DPP10: variants seen among roughly 807,000 people sequenced by gnomAD.
DPP10 encodes inactive dipeptidyl peptidase 10.
A neutral mutation model predicts 120.9 loss-of-function variants in DPP10; 33 were observed. The observed-to-expected ratio is 0.27, with a 90% confidence interval of 0.21 to 0.37. DPP10 has a LOEUF of 0.37. Among genes scored for constraint, DPP10 ranks in the 10% least tolerant of loss-of-function variants. DPP10 has a pLI of 1.00. For missense variants in DPP10, 816 were observed against 942.8 expected, an observed-to-expected ratio of 0.87 and a Z score of 1.76; for synonymous variants, 337 against 326.1, an observed-to-expected ratio of 1.03 and a Z score of -0.36.
chr2:115,481,205 A>G (rs553433974), intron 3 of DPP10, among the ~76,000 whole-genome samples: 1 of 152,124 alleles, frequency 6.6e-6, no homozygotes, highest in East Asian at 1.9e-4. Context: ...GCAATTACTC[A>G]TATGCCCCTT....
intron 1 of DPP10, among the ~76,000 whole-genome samples, chr2:114,491,890 T>C (rs996618715): frequency 1.3e-5 from 2 of 152,200 alleles, no homozygotes; most frequent in African/African-American, 2.4e-5. Context: ...TCTTTCCCTT[T>C]AGTGCTTTTT....
chr2:114,477,205 G>A (rs1452424469), intron 1 of DPP10, among the ~76,000 whole-genome samples: 2 of 151,680 alleles, frequency 1.3e-5, no homozygotes, highest in East Asian at 3.9e-4. Context: ...ATGATCCAAG[G>A]CCAAGGACTC....
chr2:115,507,982 TAGA>T (rs1417903788), intron 4 of DPP10, among the ~76,000 whole-genome samples: 5 of 152,076 alleles, frequency 3.3e-5, no homozygotes, highest in Non-Finnish European at 5.9e-5. Context: ...TTGTTGGAAA[TAGA>T]GGAATCAGCA....
chr2:115,101,396 G>A (rs1440739821), intron 1 of DPP10, among the ~76,000 whole-genome samples: 3 of 152,104 alleles, frequency 2.0e-5, no homozygotes, highest in African/African-American at 7.2e-5. Context: ...CAGTGAGGTG[G>A]CATGATCTTG....
At chr2:114,812,051 T>A (rs1015875451) in intron 1 of DPP10, among the ~76,000 whole-genome samples, 26 of 152,192 alleles carry the variant, frequency 1.7e-4, no homozygotes, top group African/African-American at 6.3e-4. Context: ...AAGTCAGATC[T>A]GTTTAAAATA....
In DPP10 at chr2:115,541,266, T is replaced by C. The variant is rs192931025; in HGVS notation, c.441+15294T>C. Among the ~76,000 whole-genome samples, 71 of 152,042 alleles carry C rather than the reference T, an allele frequency of 4.7e-4. 2 individuals are homozygous for C. Among genetic ancestry groups the C allele is most frequent in the Admixed American group, 4.5e-3 (69 of 15,212 alleles). Reference sequence around the variant, plus strand: ...CCAAAAAATATCCTGTTTCCTGTTATTGGAGAGTTAGGTTAATTTAAAATT... The same window carrying C: ...CCAAAAAATATCCTGTTTCCTGTTACTGGAGAGTTAGGTTAATTTAAAATT... On this transcript the variant is annotated intron_variant, in intron 5 of 25. Transcript: ENST00000410059.
At chr2:114,524,502 T>C (rs1685331681) in intron 1 of DPP10, among the ~76,000 whole-genome samples, 1 of 152,200 alleles carries the variant, frequency 6.6e-6, no homozygotes, top group African/African-American at 2.4e-5. Context: ...ATATTAGTCC[T>C]GCCCTTTGAA....
chr2:114,497,416 T>TATAG (rs1558814794), intron 1 of DPP10, among the ~76,000 whole-genome samples: 7 of 88,174 alleles, frequency 7.9e-5, no homozygotes, highest in African/African-American at 2.0e-4. Context: ...TACACATACA[T>TATAG]ATGCATCTAT....
Position 115,791,188 on chromosome 2 carries a change from T to C in DPP10, c.1630+9T>C. 6.2e-7 allele frequency: 1 copy of C among 1,611,738 alleles called. No homozygotes were observed. Among genetic ancestry groups the C allele is most frequent in the East Asian group, 2.2e-5 (1 of 44,740 alleles). On this transcript the variant is annotated intron_variant, in intron 18 of 25. Transcript: ENST00000410059. ...TCATATTGACGACTATGGTAAAATT[T>C]TGTGCATGCTATGTTATTCAAGAAC...
chr2:114,642,153 A>T (rs1344526689), intron 1 of DPP10, among the ~76,000 whole-genome samples: 5 of 151,960 alleles, frequency 3.3e-5, no homozygotes, highest in African/African-American at 4.9e-5. Flanking sequence ...AATCATATTT[A>T]TATACTGGCA....
At chr2:115,058,560 C>T (rs1437804976) in intron 1 of DPP10, among the ~76,000 whole-genome samples, 1 of 152,110 alleles carries the variant, frequency 6.6e-6, no homozygotes, top group African/African-American at 2.4e-5. Flanking sequence ...CCACCACGCC[C>T]GGCTAATTTT....
intron 3 of DPP10, among the ~76,000 whole-genome samples, chr2:115,383,050 G>C (rs1017949436): frequency 2.0e-5 from 3 of 152,294 alleles, no homozygotes; most frequent in African/African-American, 7.2e-5. Flanking sequence ...TTCCAGAAAA[G>C]AATCTAGAAG....
chr2:114,724,268 A>G lies in DPP10; in HGVS notation c.60+281430A>G, dbSNP rs114836562. Among the ~76,000 whole-genome samples, 538 of 152,354 alleles carry G rather than the reference A, an allele frequency of 3.5e-3. 4 individuals carry two copies. The highest frequency in any genetic ancestry group is 0.012 in the African/African-American group (519 of 41,582). ...AGATTAACTGATGCCAAGTAGCCAT[A>G]AAATGCCACACACTGGACACCATAA... On this transcript the variant is annotated intron_variant, in intron 1 of 25. Transcript: ENST00000410059.
intron 4 of DPP10, among the ~76,000 whole-genome samples, chr2:115,521,696 CTTTCTTGGA>C (rs1472978449): frequency 1.3e-5 from 2 of 151,006 alleles, no homozygotes; most frequent in Non-Finnish European, 2.9e-5. Flanking sequence ...TGTAACATTG[CTTTCTTGGA>C]TTGTCATGAG....
intron 5 of DPP10, among the ~76,000 whole-genome samples, chr2:115,614,095 A>G (rs1404247421): frequency 6.6e-6 from 1 of 152,200 alleles, no homozygotes; most frequent in Non-Finnish European, 1.5e-5. Flanking sequence ...CAGGGCATGC[A>G]CTGAAATGGT....
intron 13 of DPP10, among the ~76,000 whole-genome samples, chr2:115,772,340 G>A (rs1020280177): frequency 2.6e-5 from 4 of 152,052 alleles, no homozygotes; most frequent in Non-Finnish European, 4.4e-5. Flanking sequence ...TTATATTGTG[G>A]ATTATTTCTT....
At chr2:115,501,416 A>G (rs1575032462) in intron 4 of DPP10, among the ~76,000 whole-genome samples, 2 of 152,146 alleles carry the variant, frequency 1.3e-5, no homozygotes, top group South Asian at 2.1e-4. Context: ...GGTTTTCTCC[A>G]TGTGCTAATT....
intron 1 of DPP10, among the ~76,000 whole-genome samples, chr2:115,183,385 G>A (rs969161623): frequency 1.1e-4 from 17 of 152,118 alleles, no homozygotes; most frequent in African/African-American, 3.9e-4. Context: ...TGGGTTAAAT[G>A]CCCCCCAGCG....
chr2:115,595,547 G>C (rs2082935722), intron 5 of DPP10, among the ~76,000 whole-genome samples: 1 of 152,038 alleles, frequency 6.6e-6, no homozygotes, highest in Non-Finnish European at 1.5e-5. Flanking sequence ...CCCTGTGTCA[G>C]TGTGCTTTTG....
Sources: gnomAD v4.1 joint callset for allele counts (sites outside exome capture counted in the v4.1 genomes callset) on GRCh38, gnomAD v4.1.1 for gene constraint, MANE v1.5 for transcripts, NCBI Gene and HGNC (gene_info 2026-07-23, HGNC 2026-07-21) for gene names.